MINDY4: variants seen among roughly 807,000 people sequenced by gnomAD.
MINDY4 encodes the protein MINDY lysine 48 deubiquitinase 4.
MINDY4 carries 68 observed loss-of-function variants against 87.0 expected under a neutral mutation model. That is an observed-to-expected ratio of 0.78 (90% CI 0.64 to 0.96). MINDY4 has a LOEUF of 0.96. MINDY4 is among the 40% of genes least tolerant of loss of function. The pLI, the probability that MINDY4 is intolerant of heterozygous loss-of-function variation, is 0.00. For missense variants in MINDY4, 919 were observed against 928.2 expected, an observed-to-expected ratio of 0.99 and a Z score of 0.13; for synonymous variants, 379 against 363.2, an observed-to-expected ratio of 1.04 and a Z score of -0.50.
At chr7:30,776,386 T>G (rs1786815248) in intron 1 of MINDY4, among the ~76,000 whole-genome samples, 3 of 152,214 alleles carry the variant, frequency 2.0e-5, no homozygotes, top group Admixed American at 2.0e-4. Flanking sequence ...GGCCTGCTCT[T>G]TTGATTCCCT....
intron 15 of MINDY4, among the ~76,000 whole-genome samples, chr7:30,880,695 C>T (rs1790439065): frequency 6.6e-6 from 1 of 152,170 alleles, no homozygotes; most frequent in Non-Finnish European, 1.5e-5. Context: ...TTAGGCACGT[C>T]CAGCCACGTC....
At chr7:30,877,077 C>G (rs147199665) in intron 15 of MINDY4, among the ~76,000 whole-genome samples, 1 of 152,040 alleles carries the variant, frequency 6.6e-6, no homozygotes, top group South Asian at 2.1e-4. Flanking sequence ...CAAAGACTTG[C>G]GGGAAAAAAG....
At position 30,810,592 on chromosome 7, in the gene MINDY4, C is replaced by T. The variant is rs143696034; in HGVS notation, c.1074-18087C>T. Among the ~76,000 whole-genome samples, 115 of 152,142 alleles carry T rather than the reference C, an allele frequency of 7.6e-4. 1 individual carries two copies. The East Asian group carries it at 0.013, about 17-fold the overall frequency. The stretch of plus-strand genomic sequence containing the variant: ...TGAACTGGACATTAAAGTAAAAACA[C>T]GACCGGTTTTTCTTAAAGCACTAAC... On this transcript the variant is annotated intron_variant, in intron 5 of 17. Transcript: ENST00000265299.
intron 3 of MINDY4, 138 bp downstream of exon 3, chr7:30,782,350 G>A: frequency 3.3e-6 from 2 of 612,756 alleles, no homozygotes; most frequent in Non-Finnish European, 5.6e-6. Flanking sequence ...GTTTGTGTGT[G>A]TGTGTGTGTG....
At chr7:30,846,289 T>C (rs919874791) in intron 9 of MINDY4, among the ~76,000 whole-genome samples, 10 of 152,190 alleles carry the variant, frequency 6.6e-5, no homozygotes, top group African/African-American at 2.4e-4. Context: ...CACGTCACAG[T>C]GGACAGGTGA....
rs78485732 is a variant in MINDY4 at position 30,859,449 on chromosome 7, G to C, written c.1745+125G>C. Reference sequence around the variant, plus strand: ...GCTCTGTGAGTATTGTGGAAAGGATGAATGAAGCAGTGGAGTAGGGGAAGG... The same window carrying C: ...GCTCTGTGAGTATTGTGGAAAGGATCAATGAAGCAGTGGAGTAGGGGAAGG... On this transcript the variant is annotated intron_variant, in intron 13 of 17. Coordinates refer to ENST00000265299, the MANE Select transcript of MINDY4 (RefSeq NM_032222.3). The C allele has an allele frequency of 8.0e-4, 728 of 910,164 alleles. 2 individuals are homozygous for C. In the African/African-American group the frequency reaches 0.011, roughly 13 times the overall value. The allele number at this position is 910,164 out of a possible 1,614,324, so 56.4% of individuals were successfully genotyped here.
At chr7:30,875,768 C>T (rs538618624) in intron 15 of MINDY4, 112 bp downstream of exon 15, 365 of 1,242,050 alleles carry the variant, frequency 2.9e-4, no homozygotes, top group Non-Finnish European at 3.6e-4. Flanking sequence ...GGCTGAAATT[C>T]GGGTCCAGTT....
rs377520823 is a variant in MINDY4, at chr7:30,778,475, G to A, written c.107G>A (p.Arg36His). Reference protein sequence around the residue: ...TCVTMDQERPRSDLSINNRND... With the variant: ...TCVTMDQERPHSDLSINNRND... ...GTGACCATGGACCAGGAACGCCCAC[G>A]CTCTGACCTCAGCATAAACAACAGA... Residue 36 changes from arginine (R) to histidine (H), a missense_variant, in exon 2 of 18, where the codon CGC becomes CAC. Arg to His is a conservative substitution (Grantham distance 29). Coordinates refer to ENST00000265299, the MANE Select transcript of MINDY4 (RefSeq NM_032222.3). The A allele has an allele frequency of 1.1e-5, 18 of 1,614,034 alleles. No homozygotes were observed. Among genetic ancestry groups the A allele is most frequent in the South Asian group, 6.6e-5 (6 of 91,078 alleles).
chr7:30,809,802 A>G (rs897061661), intron 5 of MINDY4, among the ~76,000 whole-genome samples: 4 of 152,044 alleles, frequency 2.6e-5, no homozygotes, highest in Non-Finnish European at 5.9e-5. Flanking sequence ...AAGGGGGAAA[A>G]AAAAGGGGGG....
chr7:30,776,109 G>GTT (rs1360501500), intron 1 of MINDY4, among the ~76,000 whole-genome samples: 2 of 152,134 alleles, frequency 1.3e-5, no homozygotes, highest in Non-Finnish European at 2.9e-5. Context: ...CTCCTAAATG[G>GTT]TTTCTCCTTA....
chr7:30,892,254 G>T lies in MINDY4; in HGVS notation c.*249G>T. 1 of 511,904 alleles carries T rather than the reference G, an allele frequency of 2.0e-6. No homozygotes were observed. The highest frequency in any genetic ancestry group is 3.5e-6 in the Non-Finnish European group (1 of 287,506). 31.7% of individuals were successfully genotyped at this position (511,904 alleles called of 1,614,324 possible). On this transcript the variant is annotated 3_prime_UTR_variant, in exon 18 of 18. Transcript: ENST00000265299. The stretch of plus-strand genomic sequence containing the variant: ...CTGAGTACTGGAAGGAGGTTGCCAG[G>T]GTCTCTGCTACCTTTGTCTGCATCC...
Position 30,872,232 on chromosome 7 carries a change from G to C in MINDY4, c.1746-11G>C, listed in dbSNP as rs201431961. ...CAGAGCTGTGCTAACAATGCTTCTT[G>C]TGTTTTCCAGCATCCGCCAGGACTT... On this transcript the variant is annotated splice_polypyrimidine_tract_variant and intron_variant, in intron 13 of 17. Transcript: ENST00000265299. 1.2e-6 allele frequency: 2 copies of C among 1,614,032 alleles called. No homozygotes were observed. The highest frequency in any genetic ancestry group is 1.7e-6 in the Non-Finnish European group (2 of 1,179,938).
chr7:30,875,728 A>ACCACCG, intron 15 of MINDY4, 72 bp downstream of exon 15: 2 of 1,502,432 alleles, frequency 1.3e-6, no homozygotes, highest in Admixed American at 2.0e-5. Flanking sequence ...GGAAGTGGGG[A>ACCACCG]AGGAAAGCTG....
chr7:30,851,078 C>T (rs570036923), intron 10 of MINDY4, among the ~76,000 whole-genome samples: 4 of 152,344 alleles, frequency 2.6e-5, no homozygotes, highest in South Asian at 2.1e-4. Context: ...GTCTCTTCAC[C>T]GCTGGCCCCA....
At chr7:30,888,381 G>T (rs558849401) in intron 17 of MINDY4, among the ~76,000 whole-genome samples, 1 of 152,244 alleles carries the variant, frequency 6.6e-6, no homozygotes, top group South Asian at 2.1e-4. Context: ...GCACACCACG[G>T]TCTCCACAAC....
chr7:30,875,599 T>A lies in MINDY4; in HGVS notation c.1914T>A (p.Ile638=), dbSNP rs753684063. ...GDGNITLLRG[I]AARSDIGFLS... is the part of the protein sequence containing the mutation. ...GGAACATCACACTTCTCAGAGGCAT[T>A]GCTGCACGCAGTGATATTGGCTTCT... The change falls in exon 15 of 18, where the codon ATT becomes ATA. Residue 638 remains isoleucine, a synonymous_variant. Coordinates refer to ENST00000265299, the MANE Select transcript of MINDY4 (RefSeq NM_032222.3). The A allele has an allele frequency of 6.2e-7, 1 of 1,614,172 alleles. No individual in the cohort carries two copies. The highest frequency in any genetic ancestry group is 1.1e-5 in the South Asian group (1 of 91,086).
chr7:30,782,668 A>C (rs893069105), intron 3 of MINDY4, among the ~76,000 whole-genome samples: 1 of 152,134 alleles, frequency 6.6e-6, no homozygotes, highest in Non-Finnish European at 1.5e-5. Context: ...ACACCACTGC[A>C]TGGTAGCTTG....
At chr7:30,869,294 G>T (rs902218663) in intron 13 of MINDY4, among the ~76,000 whole-genome samples, 1 of 152,212 alleles carries the variant, frequency 6.6e-6, no homozygotes, top group Admixed American at 6.5e-5. Context: ...AGATCCAGGG[G>T]CTGATAGAGG....
At chr7:30,839,736 G>A (rs1047933188) in intron 8 of MINDY4, among the ~76,000 whole-genome samples, 4 of 152,188 alleles carry the variant, frequency 2.6e-5, no homozygotes, top group Non-Finnish European at 5.9e-5. Flanking sequence ...TTAATGAAGG[G>A]GAGGCGGTTT....
Sources: allele counts gnomAD v4.1 joint callset (sites outside exome capture counted in the v4.1 genomes callset), GRCh38; gene constraint gnomAD v4.1.1; transcripts MANE v1.5; gene names NCBI Gene and HGNC (gene_info 2026-07-23, HGNC 2026-07-21).